TRIP11: variants seen among roughly 807,000 people sequenced by gnomAD.
TRIP11 encodes the protein thyroid receptor-interacting protein 11.
Under a neutral mutation model 223.1 loss-of-function variants are expected in TRIP11, and 148 were observed. The observed-to-expected ratio is 0.66, with a 90% CI of 0.58 to 0.76. The LOEUF is 0.76. Ranked by LOEUF, TRIP11 falls within the 30% of genes least tolerant of loss-of-function variation. The pLI is 0.00. For missense variants in TRIP11, 2,043 were observed against 2,222.0 expected, an observed-to-expected ratio of 0.92 and a Z score of 1.62; for synonymous variants, 762 against 772.6, an observed-to-expected ratio of 0.99 and a Z score of 0.23.
Position 91,966,671 on chromosome 14 carries a change from TTTG to T in TRIP11, c.*2999_*3001del. 1 of 215,790 alleles carries T rather than the reference TTTG, an allele frequency of 4.6e-6. No homozygotes were observed. The highest frequency in any genetic ancestry group is 9.3e-6 in the Non-Finnish European group (1 of 107,028). 13.4% of individuals were successfully genotyped at this position (215,790 alleles called of 1,614,324 possible). ...AAAGAAGCCATTCTTTTCCTAGGGT[TTTG>T]TTGTTTAGTTTTGTTTCATTTTTTA... is the stretch of plus-strand genomic sequence containing the variant. On this transcript the variant is annotated 3_prime_UTR_variant, in exon 21 of 21. Coordinates refer to ENST00000267622, the MANE Select transcript of TRIP11 (RefSeq NM_004239.4).
chr14:91,972,669 T>C (rs767232721), intron 20 of TRIP11, 48 bp downstream of exon 20: 2 of 1,564,916 alleles, frequency 1.3e-6, no homozygotes, highest in African/African-American at 2.7e-5. Context: ...AATCATACAT[T>C]AAACATTCAA....
At position 92,039,660 on chromosome 14, in the gene TRIP11, C is replaced by G; in HGVS notation, c.26G>C (p.Gly9Ala). ...ACCCAGAGACTGGCCCAATCCGGAG[C>G]CGAGGCCCCCAAGCCAGGACGACAT... is the stretch of plus-strand genomic sequence containing the variant. MSSWLGGL[G>A]SGLGQSLGQV... Residue 9 changes from glycine to alanine, a missense_variant, in exon 1 of 21, where the codon GGC (glycine) becomes GCC (alanine). Gly to Ala is a moderately conservative substitution (Grantham distance 60). Transcript: ENST00000267622. 1 of 1,612,444 alleles carries G rather than the reference C, an allele frequency of 6.2e-7. No individual in the cohort carries two copies. The highest frequency in any genetic ancestry group is 8.5e-7 in the Non-Finnish European group (1 of 1,179,382).
rs2056497967 is a variant in TRIP11 at position 91,978,693 on chromosome 14, C to T, written c.5261-2504G>A. Among the ~76,000 whole-genome samples the T allele has an allele frequency of 6.6e-6, 1 of 152,056 alleles. No individual in the cohort carries two copies. The highest frequency in any genetic ancestry group is 2.4e-5 in the African/African-American group (1 of 41,404). The stretch of plus-strand genomic sequence containing the variant: ...TTCTAATTTTTTGTAGAGATGGGGT[C>T]TCACGATATTGCCTGGGCTGATCTC... On this transcript the variant is annotated intron_variant, in intron 16 of 20. Coordinates refer to ENST00000267622, the MANE Select transcript of TRIP11 (RefSeq NM_004239.4). The surrounding 1 kb of genome is among the most constrained non-coding windows in gnomAD (Gnocchi z 4.4).
chr14:92,017,624 CT>C, intron 5 of TRIP11, 57 bp downstream of exon 5: 1 of 1,350,102 alleles, frequency 7.4e-7, no homozygotes, highest in South Asian at 1.2e-5. Context: ...CAGGCCTATG[CT>C]TTTAATAAGC....
In TRIP11 at chr14:92,005,613, T is replaced by C. The variant is rs573818210; in HGVS notation, c.2363A>G (p.Asp788Gly). ...CAAAACGTCCTTAGTTTCTTTATGG[T>C]CAGTATCCATTTGTTCAATATTCTT... ...LKKNIEQMDT[D>G]HKETKDVLSS... The change falls in exon 11 of 21, where the codon GAC becomes GGC. Residue 788 changes from aspartate (D) to glycine (G), a missense_variant. Physicochemically the swap from Asp to Gly is moderately conservative, Grantham distance 94. Transcript: ENST00000267622. 6.2e-7 allele frequency: 1 copy of C among 1,614,028 alleles called. No homozygotes were observed. Among genetic ancestry groups the C allele is most frequent in the East Asian group, 2.2e-5 (1 of 44,866 alleles).
intron 2 of TRIP11, among the ~76,000 whole-genome samples, chr14:92,031,833 T>C (rs530105130): frequency 6.6e-6 from 1 of 152,270 alleles, no homozygotes; most frequent in African/African-American, 2.4e-5. Flanking sequence ...CTTTTTTTGA[T>C]ACAAGGTCTC....
Position 92,005,002 on chromosome 14 carries a change from CAG to C in TRIP11, c.2972_2973del (p.Ser991Ter), listed in dbSNP as rs759207197. ...TGAACTTTTGTTTCTTGAAAAATAT[CAG>C]AGTTATCTGTTTGAATGTCCTGTCT... ...EERQDIQTDN[S>X]DIFQETKVQS... On this transcript the variant is annotated frameshift_variant, in exon 11 of 21. Transcript: ENST00000267622. LOFTEE classifies it high-confidence loss of function. The C allele has an allele frequency of 6.2e-7, 1 of 1,613,792 alleles. No homozygotes were observed. The highest frequency in any genetic ancestry group is 2.2e-5 in the East Asian group (1 of 44,876).
At chr14:91,998,691 TAA>T (rs11287757) in intron 13 of TRIP11, among the ~76,000 whole-genome samples, 17 of 141,012 alleles carry the variant, frequency 1.2e-4, no homozygotes, top group Admixed American at 1.4e-4. Flanking sequence ...TTTTTACAAC[TAA>T]AAAAAAAAAA....
intron 15 of TRIP11, among the ~76,000 whole-genome samples, chr14:91,992,304 T>C (rs907538211): frequency 3.3e-5 from 5 of 151,934 alleles, no homozygotes; most frequent in Admixed American, 2.6e-4. Context: ...GGAATAGTGG[T>C]TGCCTAAGAG....
At position 92,039,916 on chromosome 14, in the gene TRIP11, C is replaced by G; in HGVS notation, c.-231G>C. On this transcript the variant is annotated 5_prime_UTR_variant, in exon 1 of 21. Coordinates refer to ENST00000267622, the MANE Select transcript of TRIP11 (RefSeq NM_004239.4). Reference sequence around the variant, plus strand: ...TAGTGACACAGTCACCTACGGAGGGCCTTCTGCTCATTCCCACGAATTCCC... The same window carrying G: ...TAGTGACACAGTCACCTACGGAGGGGCTTCTGCTCATTCCCACGAATTCCC... 2 of 740,072 alleles carry G rather than the reference C, an allele frequency of 2.7e-6. No homozygotes were observed. Among genetic ancestry groups the G allele is most frequent in the South Asian group, 3.7e-5 (2 of 53,764 alleles). The allele number at this position is 740,072 out of a possible 1,614,324, so 45.8% of individuals were successfully genotyped here. A position where few individuals can be genotyped will look rare whatever the true frequency, so the allele number is the denominator to read the frequency against.
rs554207015 is a variant in TRIP11, at chr14:91,980,437, A to G, written c.5261-4248T>C. Among the ~76,000 whole-genome samples the G allele has an allele frequency of 3.3e-5, 5 of 152,352 alleles. No homozygotes were observed. The South Asian group carries it at 1.0e-3, about 32-fold the overall frequency. ...ACTTGAGAGTCAGAAGTGGATATGA[A>G]TCATGGTCCTATCACCAGGGCCAGA... is the stretch of plus-strand genomic sequence containing the variant. On this transcript the variant is annotated intron_variant, in intron 16 of 20. Transcript: ENST00000267622.
In TRIP11 at chr14:91,969,726, C is replaced by T. The variant is rs61742059; in HGVS notation, c.5887G>A (p.Ala1963Thr). Reference sequence around the variant, plus strand: ...ACCCCAGCACTGTTGTCAGGTAACGCTGGCAAAGGTGTAAATGTGGGCAAA... The same window carrying T: ...ACCCCAGCACTGTTGTCAGGTAACGTTGGCAAAGGTGTAAATGTGGGCAAA... ...DVLPTFTPLP[A>T]LPDNSAGVVL... The change falls in exon 21 of 21, where the codon GCG becomes ACG. Residue 1963 changes from alanine (A) to threonine (T), a missense_variant. Physicochemically the swap from Ala to Thr is moderately conservative, Grantham distance 58. Transcript: ENST00000267622. 9.9e-5 allele frequency: 159 copies of T among 1,613,298 alleles called. No homozygotes were observed. In the African/African-American group the frequency reaches 1.6e-3, roughly 17 times the overall value.
chr14:92,005,978 T>G lies in TRIP11; in HGVS notation c.1998A>C (p.Glu666Asp). Reference protein sequence around the residue: ...QNLSELEQLNENLKKVAFDVK... With the variant: ...QNLSELEQLNDNLKKVAFDVK... ...CATCAAAAGCAACTTTCTTTAAATTTTCATTGAGCTGTTCTAATTCTGAAA... is the reference window on the plus strand; with the variant it reads ...CATCAAAAGCAACTTTCTTTAAATTGTCATTGAGCTGTTCTAATTCTGAAA... The change falls in exon 11 of 21, where the codon GAA becomes GAC. Residue 666 changes from glutamate (E) to aspartate (D), a missense_variant. Transcript: ENST00000267622. 2 of 1,612,262 alleles carry G rather than the reference T, an allele frequency of 1.2e-6. No individual in the cohort carries two copies. The highest frequency in any genetic ancestry group is 1.7e-6 in the Non-Finnish European group (2 of 1,179,566).
intron 16 of TRIP11, among the ~76,000 whole-genome samples, chr14:91,981,495 T>A (rs1535105): frequency 0.5 from 75,739 of 151,774 alleles, 20,180 homozygotes; most frequent in African/African-American, 0.69. Context: ...GGTTCAAGCG[T>A]TTCTTGCACC....
intron 2 of TRIP11, among the ~76,000 whole-genome samples, chr14:92,029,908 G>A (rs1259659048): frequency 4.0e-5 from 6 of 150,946 alleles, no homozygotes. Flanking sequence ...GTCAAGAATT[G>A]ATGAGTGGGC....
intron 16 of TRIP11, 110 bp from the exon 17 acceptor site, chr14:91,976,299 T>TA (rs1478990020): frequency 2.5e-4 from 223 of 894,770 alleles, no homozygotes; most frequent in East Asian, 3.2e-4. Flanking sequence ...TATATACACT[T>TA]ATTCTAATTG....
intron 4 of TRIP11, among the ~76,000 whole-genome samples, chr14:92,018,960 C>CAAAAAAAA (rs567152333): frequency 9.9e-5 from 7 of 70,886 alleles, no homozygotes; most frequent in Admixed American, 2.1e-4. Context: ...GACTCCATCT[C>CAAAAAAAA]AAAAAAAAAA....
At position 92,039,975 on chromosome 14, in the gene TRIP11, T is replaced by A; in HGVS notation, c.-290A>T. On this transcript the variant is annotated 5_prime_UTR_variant, in exon 1 of 21. It removes the in-frame stop codon of an upstream open reading frame in the 5' UTR. Transcript: ENST00000267622. ...GATTGGGCCACTTCTTTCTCAGCTC[T>A]AATGACTTTCCTCAGTTCCGTGGGT... 2 of 519,532 alleles carry A rather than the reference T, an allele frequency of 3.8e-6. No homozygotes were observed. Among genetic ancestry groups the A allele is most frequent in the Non-Finnish European group, 6.9e-6 (2 of 288,552 alleles). 32.2% of individuals were successfully genotyped at this position (519,532 alleles called of 1,614,324 possible). A position where few individuals can be genotyped will look rare whatever the true frequency, so the allele number is the denominator to read the frequency against.
intron 2 of TRIP11, among the ~76,000 whole-genome samples, chr14:92,032,081 T>C (rs2057272779): frequency 6.6e-6 from 1 of 152,216 alleles, no homozygotes. Flanking sequence ...ATTACAGGCA[T>C]GAGCCACTGC....
Sources: gnomAD v4.1 joint callset for allele counts (sites outside exome capture counted in the v4.1 genomes callset) on GRCh38, gnomAD v4.1.1 for gene constraint, Gnocchi (gnomAD v3.1) non-coding constraint, MANE v1.5 for transcripts, NCBI Gene and HGNC (gene_info 2026-07-23, HGNC 2026-07-21) for gene names.